Variants in SHPRH observed in about 807,000 individuals in gnomAD.
SHPRH encodes the protein SNF2 histone linker PHD RING helicase, also known as E3 ubiquitin-protein ligase SHPRH.
A neutral mutation model predicts 202.5 loss-of-function variants in SHPRH; 106 were observed. The ratio of observed to expected loss-of-function variants is 0.52; its 90% CI spans 0.45 to 0.62. SHPRH has a LOEUF of 0.62. Ranked by LOEUF, SHPRH falls within the 20% of genes least tolerant of loss-of-function variation. SHPRH has a pLI of 0.00. For synonymous variants in SHPRH, 729 were observed against 686.0 expected (o/e 1.06, Z -0.98); for missense variants, 1,710 against 2,020.0 (o/e 0.85, Z 2.94).
At chr6:145,921,907 CAT>C (rs1178003698) in intron 20 of SHPRH, among the ~76,000 whole-genome samples, 3 of 151,982 alleles carry the variant, frequency 2.0e-5, no homozygotes, top group Non-Finnish European at 4.4e-5. Flanking sequence ...AAAGTAATAA[CAT>C]ATTTGATTGT....
At chr6:145,930,264 G>A (rs140023715) in intron 14 of SHPRH, among the ~76,000 whole-genome samples, 2 of 152,070 alleles carry the variant, frequency 1.3e-5, no homozygotes, top group Non-Finnish European at 1.5e-5. Context: ...TCTACAAAAA[G>A]CACACATTTC....
intron 25 of SHPRH, chr6:145,907,306 C>T (rs2128731369): frequency 6.6e-6 from 1 of 152,292 alleles, no homozygotes; most frequent in East Asian, 1.9e-4. Context: ...CCACTTCTCT[C>T]CATTTCTACC....
At chr6:145,872,092 A>T (rs2485632) in intron 2 of SHPRH, among the ~76,000 whole-genome samples, 2 of 151,968 alleles carry the variant, frequency 1.3e-5, no homozygotes, top group African/African-American at 4.8e-5. Flanking sequence ...CTATAAAAAC[A>T]CTAGAAGAAA....
At chr6:145,868,860 A>G (rs1393112044) in intron 2 of SHPRH, among the ~76,000 whole-genome samples, 1 of 152,206 alleles carries the variant, frequency 6.6e-6, no homozygotes, top group Non-Finnish European at 1.5e-5. Flanking sequence ...TGTTATTTTT[A>G]GGAAAAAGTT....
chr6:145,919,533 A>G, intron 21 of SHPRH, 42 bp from the exon 22 acceptor site: 3 of 1,598,586 alleles, frequency 1.9e-6, no homozygotes, highest in Non-Finnish European at 2.6e-6. Context: ...AAAGCATGTA[A>G]TTAAAACTGG....
chr6:145,953,997 C>T (rs1369403534), intron 2 of SHPRH, among the ~76,000 whole-genome samples: 1 of 148,120 alleles, frequency 6.8e-6, no homozygotes, highest in Admixed American at 6.7e-5. Context: ...GCCGCCAAGG[C>T]CAAAAAAAAA....
At chr6:145,868,272 AC>A (rs1328362508) in intron 2 of SHPRH, among the ~76,000 whole-genome samples, 1 of 152,148 alleles carries the variant, frequency 6.6e-6, no homozygotes, top group African/African-American at 2.4e-5. Flanking sequence ...TTGTCTCAAA[AC>A]ACAGTCATAT....
Position 145,894,134 on chromosome 6 carries a change from T to G in SHPRH, c.4695+16A>C. ...ACTGTATCCACTACAAAAACCGGAG[T>G]AAAATCTTAACATACCTGAAATGTC... On this transcript the variant is annotated intron_variant, in intron 27 of 29. Transcript: ENST00000275233. 1 of 1,577,884 alleles carries G rather than the reference T, an allele frequency of 6.3e-7. No homozygotes were observed. Among genetic ancestry groups the G allele is most frequent in the African/African-American group, 1.4e-5 (1 of 72,532 alleles).
chr6:145,877,156 AAT>A (rs747888901), intron 2 of SHPRH, among the ~76,000 whole-genome samples: 16 of 152,128 alleles, frequency 1.1e-4, no homozygotes, highest in African/African-American at 2.7e-4. Flanking sequence ...TTTTTGTATG[AAT>A]ATATGTTTTA....
chr6:145,872,993 T>C (rs1418914469), intron 2 of SHPRH, among the ~76,000 whole-genome samples: 1 of 152,060 alleles, frequency 6.6e-6, no homozygotes, highest in African/African-American at 2.4e-5. Flanking sequence ...TGAGAATACA[T>C]GGACACATGG....
At chr6:145,892,923 C>G (rs1583312456) in intron 28 of SHPRH, among the ~76,000 whole-genome samples, 1 of 151,364 alleles carries the variant, frequency 6.6e-6, no homozygotes, top group East Asian at 1.9e-4. Flanking sequence ...TTCTAACAAG[C>G]TTTTTTTTGG....
At chr6:145,956,196 A>G (rs1419918886) in intron 1 of SHPRH, among the ~76,000 whole-genome samples, 1 of 152,162 alleles carries the variant, frequency 6.6e-6, no homozygotes, top group Non-Finnish European at 1.5e-5. Flanking sequence ...GGAGTCAAAC[A>G]TGCATAAAAC....
chr6:145,928,837 C>G (rs532766368), intron 14 of SHPRH, among the ~76,000 whole-genome samples: 2 of 151,440 alleles, frequency 1.3e-5, no homozygotes, highest in East Asian at 3.9e-4. Context: ...AATTTCTATT[C>G]CCTTTAAATA....
rs1255413016 is a variant in SHPRH at position 145,933,085 on chromosome 6, A to T, written c.3084T>A (p.Asn1028Lys). The T allele has an allele frequency of 6.2e-7, 1 of 1,613,854 alleles. No homozygotes were observed. Among genetic ancestry groups the T allele is most frequent in the Admixed American group, 1.7e-5 (1 of 60,020 alleles). The change falls in exon 14 of 30, where the codon AAT (asparagine) becomes AAA (lysine). Residue 1028 changes from asparagine to lysine, a missense_variant. This residue lies in a region of SHPRH where 288 missense variants were observed against 317.8 expected (regional missense o/e 0.91). Transcript: ENST00000275233. ...TAATAATATGAATGCCTGCTAAGCC[A>T]TTGAGAGCACAAACTAGCTGTCGAT... ...EAHRQLVCALNGLAGIHIIKG... is the reference protein window; with the variant it reads ...EAHRQLVCALKGLAGIHIIKG...
chr6:145,955,206 A>G lies in SHPRH; in HGVS notation c.117T>C (p.Asp39=). Residue 39 remains aspartate (D), a synonymous_variant, in exon 2 of 30, where the codon GAT becomes GAC. Transcript: ENST00000275233. ...RRNEPIIISD[D]DEQPCPGSDT... ...CTGAACCTGGGCAGGGCTGCTCGTC[A>G]TCATCACTTATGATGATAGGTTCAT... is the stretch of plus-strand genomic sequence containing the variant. 6.2e-7 allele frequency: 1 copy of G among 1,613,762 alleles called. No homozygotes were observed. The highest frequency in any genetic ancestry group is 8.5e-7 in the Non-Finnish European group (1 of 1,179,932).
At chr6:145,869,344 G>A (rs1011969665) in intron 2 of SHPRH, among the ~76,000 whole-genome samples, 1 of 152,180 alleles carries the variant, frequency 6.6e-6, no homozygotes, top group Admixed American at 6.5e-5. Flanking sequence ...AAATTAGTTT[G>A]AATGAAGTAT....
intron 25 of SHPRH, among the ~76,000 whole-genome samples, chr6:145,901,439 T>C (rs1205809461): frequency 2.0e-5 from 3 of 151,926 alleles, no homozygotes. Flanking sequence ...AAAGATAAGA[T>C]TAAAACAGGA....
At chr6:145,934,262 T>C (rs527834014) in intron 13 of SHPRH, among the ~76,000 whole-genome samples, 3 of 151,590 alleles carry the variant, frequency 2.0e-5, no homozygotes, top group East Asian at 3.9e-4. Context: ...AGGTCTGGAG[T>C]TCAAGACCAG....
intron 14 of SHPRH, among the ~76,000 whole-genome samples, chr6:145,930,832 G>T (rs765576252): frequency 6.6e-6 from 1 of 151,922 alleles, no homozygotes; most frequent in Non-Finnish European, 1.5e-5. Context: ...CAATAATTAC[G>T]CACTTGTTTA....
Sources: gnomAD v4.1 joint callset for allele counts (sites outside exome capture counted in the v4.1 genomes callset) on GRCh38, gnomAD v4.1.1 for gene constraint, gnomAD v4.1.1 regional missense constraint, MANE v1.5 for transcripts, NCBI Gene and HGNC (gene_info 2026-07-23, HGNC 2026-07-21) for gene names.